IL1RAPL1: variants seen among roughly 807,000 people sequenced by gnomAD.
IL1RAPL1 encodes the protein interleukin 1 receptor accessory protein like 1.
A neutral mutation model predicts 48.4 loss-of-function variants in IL1RAPL1; 3 were observed. That is an observed-to-expected ratio of 0.06 (90% CI 0.03 to 0.16). IL1RAPL1 has a LOEUF of 0.16. IL1RAPL1 is among the 10% of genes least tolerant of loss of function. IL1RAPL1 has a pLI of 1.00. For synonymous variants in IL1RAPL1, 185 were observed against 187.7 expected, an observed-to-expected ratio of 0.99 and a Z score of 0.12; for missense variants, 349 against 530.6, an observed-to-expected ratio of 0.66 and a Z score of 3.36.
At chrX:28,677,754 A>G (rs1275937714) in intron 1 of IL1RAPL1, among the ~76,000 whole-genome samples, 2 of 110,195 alleles carry the variant, frequency 1.8e-5, no homozygotes, top group African/African-American at 6.6e-5. Context: ...AGCCCAACTA[A>G]TTTTTGTATT....
intron 1 of IL1RAPL1, among the ~76,000 whole-genome samples, chrX:28,697,054 A>G (rs1327933067): frequency 1.8e-5 from 2 of 111,835 alleles, no homozygotes; most frequent in East Asian, 2.8e-4. Flanking sequence ...TGTTTTTACA[A>G]GTATATGCGG....
intron 1 of IL1RAPL1, among the ~76,000 whole-genome samples, chrX:28,657,456 G>A (rs1208511287): frequency 8.9e-6 from 1 of 112,152 alleles, no homozygotes; most frequent in Non-Finnish European, 1.9e-5. Flanking sequence ...AGAAGGAAAA[G>A]AAACTAAAGG....
chrX:29,413,411 T>A (rs1463279408), intron 5 of IL1RAPL1, among the ~76,000 whole-genome samples: 2 of 110,814 alleles, frequency 1.8e-5, no homozygotes, highest in African/African-American at 3.3e-5. Context: ...CGTGCAGGTT[T>A]GTTACATATG....
intron 1 of IL1RAPL1, among the ~76,000 whole-genome samples, chrX:28,621,236 T>G (rs1373778811): frequency 8.9e-6 from 1 of 112,316 alleles, no homozygotes; most frequent in Non-Finnish European, 1.9e-5. Context: ...CTCCATTGCT[T>G]CCCCAGTACC....
intron 6 of IL1RAPL1, among the ~76,000 whole-genome samples, chrX:29,905,217 T>G (rs749075661): frequency 1.1e-5 from 1 of 88,730 alleles, no homozygotes; most frequent in Non-Finnish European, 2.2e-5. Context: ...TTTGATGGGG[T>G]TTTTTTTTTC....
intron 9 of IL1RAPL1, among the ~76,000 whole-genome samples, chrX:29,942,682 C>T (rs1933151251): frequency 9.2e-6 from 1 of 108,640 alleles, no homozygotes; most frequent in South Asian, 4.1e-4. Context: ...TGCAATGGCG[C>T]GATCTCAGCT....
At chrX:29,411,040 T>G (rs1375631408) in intron 5 of IL1RAPL1, among the ~76,000 whole-genome samples, 1 of 111,054 alleles carries the variant, frequency 9.0e-6, no homozygotes. Context: ...CTTAACAGGG[T>G]CCTCCTGGTT....
At chrX:29,661,024 A>G (rs1390699940) in intron 5 of IL1RAPL1, among the ~76,000 whole-genome samples, 2 of 111,752 alleles carry the variant, frequency 1.8e-5, no homozygotes, top group Non-Finnish European at 3.8e-5. Flanking sequence ...TCAGTGTTTT[A>G]TAGTTTTCCT....
At chrX:28,880,130 A>G (rs962258971) in intron 2 of IL1RAPL1, among the ~76,000 whole-genome samples, 16 of 112,660 alleles carry the variant, frequency 1.4e-4, no homozygotes, top group African/African-American at 5.2e-4. Context: ...TCCAGAACCT[A>G]CAGATTGTAT....
At chrX:29,159,370 G>A (rs1929636169) in intron 2 of IL1RAPL1, among the ~76,000 whole-genome samples, 1 of 111,250 alleles carries the variant, frequency 9.0e-6, no homozygotes, top group Non-Finnish European at 1.9e-5. Context: ...CTAATATTCA[G>A]TTTACATGAC....
chrX:29,127,502 C>T (rs777891446), intron 2 of IL1RAPL1, among the ~76,000 whole-genome samples: 4 of 112,150 alleles, frequency 3.6e-5, no homozygotes, highest in African/African-American at 1.3e-4. Context: ...TATAGTAGTA[C>T]TGCTCTTTGC....
At chrX:29,535,562 T>C (rs1261906915) in intron 5 of IL1RAPL1, among the ~76,000 whole-genome samples, 1 of 112,123 alleles carries the variant, frequency 8.9e-6, no homozygotes, top group African/African-American at 3.2e-5. Flanking sequence ...GAAATTTTCC[T>C]ACTGATAAAT....
At chrX:29,940,769 G>T (rs140632668) in intron 8 of IL1RAPL1, among the ~76,000 whole-genome samples, 3 of 112,343 alleles carry the variant, frequency 2.7e-5, no homozygotes, top group African/African-American at 9.7e-5. Context: ...TAGATATTCA[G>T]TAGAAAAAGG....
At chrX:28,628,476 GATATA>G (rs1043506285) in intron 1 of IL1RAPL1, among the ~76,000 whole-genome samples, 18 of 112,132 alleles carry the variant, frequency 1.6e-4, no homozygotes, top group African/African-American at 5.5e-4. Flanking sequence ...CAGCTGTTTT[GATATA>G]CAGGAAATAT....
chrX:28,840,658 G>A (rs1003703526), intron 2 of IL1RAPL1, among the ~76,000 whole-genome samples: 2 of 110,702 alleles, frequency 1.8e-5, no homozygotes, highest in African/African-American at 6.5e-5. Context: ...TTAATAATAA[G>A]TATATATTTC....
chrX:29,537,349 G>A (rs1921266582), intron 5 of IL1RAPL1, among the ~76,000 whole-genome samples: 2 of 110,343 alleles, frequency 1.8e-5, no homozygotes, highest in African/African-American at 3.3e-5. Flanking sequence ...CTATTTGTTG[G>A]GTCCCAATAC....
At chrX:28,972,718 A>G (rs1294758629) in intron 2 of IL1RAPL1, among the ~76,000 whole-genome samples, 2 of 111,502 alleles carry the variant, frequency 1.8e-5, no homozygotes, top group African/African-American at 3.3e-5. Flanking sequence ...CAGCCTGAGC[A>G]ACAGAGCAAG....
At chrX:29,014,868 T>A (rs1159067946) in intron 2 of IL1RAPL1, among the ~76,000 whole-genome samples, 1 of 111,804 alleles carries the variant, frequency 8.9e-6, no homozygotes, top group African/African-American at 3.2e-5. Flanking sequence ...GTGGTGATTA[T>A]GCTCTCATGA....
intron 5 of IL1RAPL1, among the ~76,000 whole-genome samples, chrX:29,411,034 A>G (rs1934137227): frequency 9.0e-6 from 1 of 111,349 alleles, no homozygotes; most frequent in South Asian, 3.8e-4. Context: ...AAGGGCCTTA[A>G]CAGGGTCCTC....
Sources: allele counts gnomAD v4.1 joint callset (sites outside exome capture counted in the v4.1 genomes callset), GRCh38; gene constraint gnomAD v4.1.1; transcripts MANE v1.5; gene names NCBI Gene and HGNC (gene_info 2026-07-23, HGNC 2026-07-21).